Variants in AXDND1 observed in about 807,000 individuals in gnomAD.
AXDND1 encodes axonemal dynein light chain domain-containing protein 1.
In AXDND1, 110 loss-of-function variants were observed where a neutral mutation model predicts 137.5. That is an observed-to-expected ratio of 0.80 (90% confidence interval 0.69 to 0.94). AXDND1 has a LOEUF of 0.94. Among genes scored for constraint, AXDND1 ranks in the 40% least tolerant of loss-of-function variants. The pLI is 0.00. For missense variants in AXDND1, 1,191 were observed against 1,169.8 expected (o/e 1.02, Z -0.26); for synonymous variants, 414 against 399.7 (o/e 1.04, Z -0.43).
intron 11 of AXDND1, among the ~76,000 whole-genome samples, chr1:179,405,776 T>C (rs1652866038): frequency 6.6e-6 from 1 of 152,068 alleles, no homozygotes; most frequent in Non-Finnish European, 1.5e-5. Context: ...TTGGGTAGTC[T>C]AGCTAGAAGT....
Position 179,431,987 on chromosome 1 carries a change from T to C in AXDND1, c.1488-280T>C, listed in dbSNP as rs1180630270. On this transcript the variant is annotated intron_variant, in intron 14 of 25. Coordinates refer to ENST00000367618, the MANE Select transcript of AXDND1 (RefSeq NM_144696.6). The stretch of plus-strand genomic sequence containing the variant: ...CATTCAACAGATCTTCTGATAATGA[T>C]CTGGTTTTTAATTCTCAAGACTCAA... Among the ~76,000 whole-genome samples the C allele has an allele frequency of 2.0e-5, 3 of 152,312 alleles. No individual in the cohort carries two copies. The East Asian group carries it at 5.8e-4, about 29-fold the overall frequency.
intron 15 of AXDND1, 36 bp downstream of exon 15, chr1:179,432,378 T>G: frequency 6.6e-7 from 1 of 1,520,188 alleles, no homozygotes; most frequent in African/African-American, 1.4e-5. Flanking sequence ...GCAATCAAAG[T>G]GCTGATTGTA....
chr1:179,385,598 G>T (rs191253720), intron 9 of AXDND1, among the ~76,000 whole-genome samples: 69 of 152,238 alleles, frequency 4.5e-4, no homozygotes, highest in African/African-American at 1.6e-3. Context: ...TCAAGAGAAA[G>T]AACCCAGAAA....
chr1:179,375,097 A>AT (rs200110297), intron 4 of AXDND1, among the ~76,000 whole-genome samples: 2 of 149,062 alleles, frequency 1.3e-5, no homozygotes, highest in Admixed American at 6.7e-5. Context: ...TTCTTTATTA[A>AT]TAAAAAAAAA....
chr1:179,392,341 T>C lies in AXDND1; in HGVS notation c.864-1562T>C, dbSNP rs188249591. ...TATAGCTAAGTAGTATTCCATAGTG[T>C]GTATATACCACATTTTCTTTATCCA... is the stretch of plus-strand genomic sequence containing the variant. On this transcript the variant is annotated intron_variant, in intron 9 of 25. Coordinates refer to ENST00000367618, the MANE Select transcript of AXDND1 (RefSeq NM_144696.6). Among the ~76,000 whole-genome samples the C allele has an allele frequency of 4.6e-3, 707 of 152,350 alleles. 6 individuals carry two copies. The highest frequency in any genetic ancestry group is 0.011 in the Admixed American group (173 of 15,302).
At chr1:179,448,926 A>G (rs1411249976) in intron 16 of AXDND1, 2 of 215,092 alleles carry the variant, frequency 9.3e-6, no homozygotes, top group Non-Finnish European at 1.9e-5. Context: ...GTGCTGTGTC[A>G]TGTAGGGTGG....
chr1:179,383,511 T>G lies in AXDND1; in HGVS notation c.708T>G (p.Gly236=). ...DVMDTMLERA[G]VENQEYTGPT... is the part of the protein sequence containing the mutation. ...TGGATACTATGCTAGAGAGGGCTGG[T>G]GTGGAAAATCAGGAATATACAGGAC... Residue 236 remains glycine (G), a synonymous_variant, in exon 8 of 26, where the codon GGT becomes GGG. Coordinates refer to ENST00000367618, the MANE Select transcript of AXDND1 (RefSeq NM_144696.6). 1 of 1,613,884 alleles carries G rather than the reference T, an allele frequency of 6.2e-7. No individual in the cohort carries two copies. The highest frequency in any genetic ancestry group is 8.5e-7 in the Non-Finnish European group (1 of 1,179,892).
intron 16 of AXDND1, chr1:179,448,053 T>C: frequency 8.1e-7 from 1 of 1,229,554 alleles, no homozygotes; most frequent in East Asian, 2.3e-5. Context: ...AATTCTGAGG[T>C]GGCAAACCAG....
intron 11 of AXDND1, among the ~76,000 whole-genome samples, chr1:179,405,051 G>T (rs1193705515): frequency 2.0e-5 from 3 of 151,952 alleles, no homozygotes; most frequent in Non-Finnish European, 4.4e-5. Context: ...TTAGGTATTT[G>T]TCCTAATGCT....
intron 9 of AXDND1, among the ~76,000 whole-genome samples, chr1:179,385,957 C>T (rs1649130447): frequency 1.3e-5 from 2 of 151,754 alleles, no homozygotes; most frequent in Admixed American, 6.6e-5. Flanking sequence ...CTCTCATTTG[C>T]ATTGTTTCCA....
Position 179,379,580 on chromosome 1 carries a change from G to C in AXDND1, c.581+98G>C, listed in dbSNP as rs1213659087. The C allele has an allele frequency of 3.4e-6, 5 of 1,475,058 alleles. No individual in the cohort carries two copies. In the African/African-American group the frequency reaches 7.1e-5, roughly 21 times the overall value. The allele number at this position is 1,475,058 out of a possible 1,614,324, so 91.4% of individuals were successfully genotyped here. A position where few individuals can be genotyped will look rare whatever the true frequency, so the allele number is the denominator to read the frequency against. ...AGGCCAAGGCGGGTGGATCATCTGA[G>C]GTCAGGAGTTCAAGACCAGCCTGGT... On this transcript the variant is annotated intron_variant, in intron 6 of 25. Transcript: ENST00000367618.
Position 179,429,626 on chromosome 1 carries a change from G to T in AXDND1, c.1332+7G>T. On this transcript the variant is annotated splice_region_variant and intron_variant, in intron 13 of 25. Coordinates refer to ENST00000367618, the MANE Select transcript of AXDND1 (RefSeq NM_144696.6). ...CATACTGCTATCAAACAAGGTAAAGGTCAATTATCTTCAGTTATGGGAAAA... is the reference window on the plus strand; with the variant it reads ...CATACTGCTATCAAACAAGGTAAAGTTCAATTATCTTCAGTTATGGGAAAA... 4.6e-6 allele frequency: 7 copies of T among 1,514,048 alleles called. No homozygotes were observed. The highest frequency in any genetic ancestry group is 4.4e-6 in the Non-Finnish European group (5 of 1,125,296). 93.8% of individuals were successfully genotyped at this position (1,514,048 alleles called of 1,614,324 possible).
At chr1:179,491,448 C>T in intron 18 of AXDND1, 90 bp from the exon 19 acceptor site, 1 of 858,762 alleles carries the variant, frequency 1.2e-6, no homozygotes, top group Non-Finnish European at 1.8e-6. Context: ...TGGACACAGG[C>T]ACGATCATTT....
chr1:179,430,646 G>A, intron 14 of AXDND1, 40 bp downstream of exon 14: 1 of 1,576,266 alleles, frequency 6.3e-7, no homozygotes, highest in Non-Finnish European at 8.6e-7. Context: ...TTATACTTAT[G>A]TCTGATAACT....
intron 9 of AXDND1, among the ~76,000 whole-genome samples, chr1:179,391,473 T>C (rs578178908): frequency 6.6e-6 from 1 of 152,202 alleles, no homozygotes; most frequent in Non-Finnish European, 1.5e-5. Flanking sequence ...CATTCTGTTC[T>C]TGTGATAGTG....
chr1:179,388,976 C>CTTTTTTT (rs11373996), intron 9 of AXDND1, among the ~76,000 whole-genome samples: 1 of 112,530 alleles, frequency 8.9e-6, no homozygotes, highest in Non-Finnish European at 1.7e-5. Flanking sequence ...TTTTTAGATT[C>CTTTTTTT]TTTTTTTTTT....
At chr1:179,471,422 G>T (rs1454645590) in intron 17 of AXDND1, among the ~76,000 whole-genome samples, 1 of 152,090 alleles carries the variant, frequency 6.6e-6, no homozygotes, top group South Asian at 2.1e-4. Flanking sequence ...ATTTCTTATT[G>T]AATCAGTTTT....
At chr1:179,366,806 TAC>T (rs1398232163) in intron 2 of AXDND1, among the ~76,000 whole-genome samples, 200 bp downstream of exon 2, 1 of 152,154 alleles carries the variant, frequency 6.6e-6, no homozygotes, top group Non-Finnish European at 1.5e-5. Flanking sequence ...TCCATCTAAA[TAC>T]AGTTTATACT....
chr1:179,545,197 T>A (rs1044778919), intron 25 of AXDND1: 1 of 152,230 alleles, frequency 6.6e-6, no homozygotes, highest in Admixed American at 6.5e-5. Flanking sequence ...TTTGCTCTTA[T>A]CTCTGAACAC....
Sources: gnomAD v4.1 joint callset for allele counts (sites outside exome capture counted in the v4.1 genomes callset) on GRCh38, gnomAD v4.1.1 for gene constraint, MANE v1.5 for transcripts, NCBI Gene and HGNC (gene_info 2026-07-23, HGNC 2026-07-21) for gene names.